Variants in QKI observed in about 807,000 individuals in gnomAD.
The protein encoded by QKI is KH domain-containing RNA-binding protein QKI.
QKI carries 10 observed loss-of-function variants against 39.0 expected under a neutral mutation model. That is an observed-to-expected ratio of 0.26 (90% CI 0.16 to 0.43). QKI has a LOEUF of 0.43. QKI is among the 20% of genes least tolerant of loss of function. The pLI is 1.00. For synonymous variants in QKI, 204 were observed against 155.4 expected, an observed-to-expected ratio of 1.31 and a Z score of -2.33; for missense variants, 218 against 428.0, an observed-to-expected ratio of 0.51 and a Z score of 4.33.
intron 1 of QKI, among the ~76,000 whole-genome samples, chr6:163,426,888 A>G (rs1157989192): frequency 2.0e-5 from 3 of 152,302 alleles, no homozygotes; most frequent in Non-Finnish European, 2.9e-5. Flanking sequence ...CATGGATTTC[A>G]TAGATTCAAT....
chr6:163,488,835 A>G (rs899615123), intron 3 of QKI, among the ~76,000 whole-genome samples: 7 of 152,184 alleles, frequency 4.6e-5, no homozygotes, highest in African/African-American at 1.7e-4. Context: ...GAATATTTAC[A>G]TGGTTCCAAA....
intron 1 of QKI, among the ~76,000 whole-genome samples, chr6:163,447,432 T>C (rs983684236): frequency 2.6e-5 from 4 of 152,122 alleles, no homozygotes; most frequent in African/African-American, 9.7e-5. Flanking sequence ...AATCTGCTGT[T>C]GAACAGTAAA....
rs1269584445 is a variant in QKI, at chr6:163,545,492, T to C, written c.546+10367T>C. Among the ~76,000 whole-genome samples the C allele has an allele frequency of 5.9e-5, 9 of 152,286 alleles. No individual in the cohort carries two copies. The East Asian group carries it at 9.6e-4, about 16-fold the overall frequency. Reference sequence around the variant, plus strand: ...ATTGAGCAGCTATATAAATCTTTGCTTACCGTCTGTCCAGCCGTAATGTTG... The same window carrying C: ...ATTGAGCAGCTATATAAATCTTTGCCTACCGTCTGTCCAGCCGTAATGTTG... On this transcript the variant is annotated intron_variant, in intron 4 of 7. Coordinates refer to ENST00000361752, the MANE Select transcript of QKI (RefSeq NM_006775.3).
At chr6:163,564,688 T>C in intron 6 of QKI, 1 of 1,614,108 alleles carries the variant, frequency 6.2e-7, no homozygotes, top group East Asian at 2.2e-5. Flanking sequence ...ATGCCAGTCA[T>C]GCCTGATATT....
intron 3 of QKI, among the ~76,000 whole-genome samples, chr6:163,532,102 T>C (rs1488507503): frequency 6.6e-6 from 1 of 152,236 alleles, no homozygotes; most frequent in Non-Finnish European, 1.5e-5. Context: ...ACTGCAACTT[T>C]GTTTCTATCA....
At chr6:163,518,208 A>T (rs1053849978) in intron 3 of QKI, among the ~76,000 whole-genome samples, 3 of 151,960 alleles carry the variant, frequency 2.0e-5, no homozygotes, top group African/African-American at 7.2e-5. Context: ...TTCAGGAAAA[A>T]CTCACATCCA....
intron 2 of QKI, among the ~76,000 whole-genome samples, chr6:163,466,257 G>A (rs966564839): frequency 6.6e-6 from 1 of 152,036 alleles, no homozygotes; most frequent in African/African-American, 2.4e-5. Context: ...AATTAAAGAT[G>A]CAAATAAATG....
intron 6 of QKI, chr6:163,566,368 T>C (rs1408381355): frequency 3.3e-6 from 4 of 1,204,312 alleles, no homozygotes; most frequent in East Asian, 5.2e-5. Context: ...GTATTAAACA[T>C]GGCGTTATTT....
rs2294699 is a variant in QKI at position 163,568,425 on chromosome 6, T to C, written c.1009+1630T>C. The C allele has an allele frequency of 9.0e-5, 89 of 985,276 alleles. 2 individuals are homozygous for C. The East Asian group carries it at 9.5e-3, about 106-fold the overall frequency. The allele number at this position is 985,276 out of a possible 1,614,324, so 61.0% of individuals were successfully genotyped here. A position where few individuals can be genotyped will look rare whatever the true frequency, so the allele number is the denominator to read the frequency against. ...TTACGACACATTCCATGCATGGATC[T>C]TTTGTAGTTACGTGTTTTGATTAGT... On this transcript the variant is annotated intron_variant, in intron 7 of 7. Transcript: ENST00000361752.
rs141197716 is a variant in QKI, at chr6:163,510,043, C to T, written c.403-24939C>T. On this transcript the variant is annotated intron_variant, in intron 3 of 7. Coordinates refer to ENST00000361752, the MANE Select transcript of QKI (RefSeq NM_006775.3). ...CAGTCTGGGCAATATGTTGAAACCC[C>T]ATGTCTACTAAAAATACAAAAAATT... is the stretch of plus-strand genomic sequence containing the variant. Among the ~76,000 whole-genome samples, 430 of 151,900 alleles carry T rather than the reference C, an allele frequency of 2.8e-3. 4 individuals are homozygous for T. The highest frequency in any genetic ancestry group is 0.024 in the Middle Eastern group (7 of 294).
chr6:163,453,047 T>A, intron 1 of QKI, among the ~76,000 whole-genome samples: 1 of 151,878 alleles, frequency 6.6e-6, no homozygotes, highest in East Asian at 1.9e-4. Context: ...AATTTTTTAA[T>A]CTAGTCATTT....
chr6:163,534,095 A>G (rs905519043), intron 3 of QKI, among the ~76,000 whole-genome samples: 1 of 152,058 alleles, frequency 6.6e-6, no homozygotes, highest in Non-Finnish European at 1.5e-5. Flanking sequence ...CTACTTATAT[A>G]TTCTTATTTT....
intron 2 of QKI, among the ~76,000 whole-genome samples, chr6:163,461,531 AT>A (rs1483981986): frequency 6.6e-6 from 1 of 152,170 alleles, no homozygotes; most frequent in African/African-American, 2.4e-5. Context: ...AAAGAGTTTC[AT>A]GTTAGGATCT....
At chr6:163,564,512 A>T in intron 6 of QKI, 1 of 1,458,304 alleles carries the variant, frequency 6.9e-7, no homozygotes, top group South Asian at 1.4e-5. Flanking sequence ...TCTTAATTTC[A>T]GTAGTACAGT....
At chr6:163,490,974 G>A (rs958686285) in intron 3 of QKI, among the ~76,000 whole-genome samples, 5 of 152,152 alleles carry the variant, frequency 3.3e-5, no homozygotes, top group Admixed American at 6.5e-5. Context: ...TAATGACAGT[G>A]CTTGTCTTAA....
chr6:163,537,533 G>T (rs1372055708), intron 4 of QKI, among the ~76,000 whole-genome samples: 1 of 152,108 alleles, frequency 6.6e-6, no homozygotes, highest in East Asian at 1.9e-4. Flanking sequence ...TAATAGTGAG[G>T]TTCATAATTT....
intron 1 of QKI, among the ~76,000 whole-genome samples, chr6:163,445,970 C>T (rs1583002022): frequency 6.6e-6 from 1 of 152,250 alleles, no homozygotes; most frequent in East Asian, 1.9e-4. Context: ...TTGGTTAAGG[C>T]GATGTCTGTC....
In QKI at chr6:163,425,472, CTT is replaced by C. The variant is rs199548067; in HGVS notation, c.142+10139_142+10140del. ...TTATTTGGGGGTGTCAGAATGAACT[CTT>C]TGTGCATAAACTGAGAATGTATACA... On this transcript the variant is annotated intron_variant, in intron 1 of 7. Coordinates refer to ENST00000361752, the MANE Select transcript of QKI (RefSeq NM_006775.3). Among the ~76,000 whole-genome samples, 843 of 152,224 alleles carry C rather than the reference CTT, an allele frequency of 5.5e-3. 9 individuals are homozygous for C. The highest frequency in any genetic ancestry group is 0.02 in the African/African-American group (810 of 41,528).
chr6:163,566,622 A>G lies in QKI; in HGVS notation c.935-99A>G, dbSNP rs551929441. 46 of 1,549,498 alleles carry G rather than the reference A, an allele frequency of 3.0e-5. 1 individual carries two copies. The South Asian group carries it at 5.5e-4, about 18-fold the overall frequency. The stretch of plus-strand genomic sequence containing the variant: ...CGTGTTTCTTAAACTTTTGTAGTAA[A>G]TGAACATTTGAAATCCATTTTGATA... On this transcript the variant is annotated intron_variant, in intron 6 of 7. Coordinates refer to ENST00000361752, the MANE Select transcript of QKI (RefSeq NM_006775.3).
Sources: gnomAD v4.1 joint callset for allele counts (sites outside exome capture counted in the v4.1 genomes callset) on GRCh38, gnomAD v4.1.1 for gene constraint, MANE v1.5 for transcripts, NCBI Gene and HGNC (gene_info 2026-07-23, HGNC 2026-07-21) for gene names.